The following FAM168A variants were observed in gnomAD, a reference collection of about 807,000 sequenced individuals.
FAM168A encodes the protein family with sequence similarity 168 member A.
Under a neutral mutation model 28.5 loss-of-function variants are expected in FAM168A, and 3 were observed. That is an observed-to-expected ratio of 0.11 (90% CI 0.05 to 0.27). The LOEUF is 0.27. Ranked by LOEUF, FAM168A falls within the 10% of genes least tolerant of loss-of-function variation. The pLI is 1.00. For missense variants in FAM168A, 222 were observed against 311.5 expected, an observed-to-expected ratio of 0.71 and a Z score of 2.16; for synonymous variants, 122 against 124.2, an observed-to-expected ratio of 0.98 and a Z score of 0.12.
intron 1 of FAM168A, among the ~76,000 whole-genome samples, chr11:73,533,431 G>C (rs1028605313): frequency 6.6e-6 from 1 of 152,024 alleles, no homozygotes; most frequent in Non-Finnish European, 1.5e-5. Context: ...GAGTCCCTAG[G>C]GCCTTACTCT....
chr11:73,406,228 A>G lies in FAM168A; in HGVS notation c.*535T>C, dbSNP rs752270926. 4.0e-5 allele frequency: 6 copies of G among 151,692 alleles called. No individual in the cohort carries two copies. The highest frequency in any genetic ancestry group is 5.9e-5 in the Non-Finnish European group (4 of 67,988). The allele number at this position is 151,692 out of a possible 1,614,324, so 9.4% of individuals were successfully genotyped here. A position where few individuals can be genotyped will look rare whatever the true frequency, so the allele number is the denominator to read the frequency against. On this transcript the variant is annotated 3_prime_UTR_variant, in exon 8 of 8. Coordinates refer to ENST00000356467, the MANE Select transcript of FAM168A (RefSeq NM_015159.3). ...GTGGTTTTGTTCTTGGTCTGTTGCAATGGTTCTCAGGAGACATTTCATTTG... is the reference window on the plus strand; with the variant it reads ...GTGGTTTTGTTCTTGGTCTGTTGCAGTGGTTCTCAGGAGACATTTCATTTG...
At chr11:73,501,354 T>C (rs1855007496) in intron 1 of FAM168A, among the ~76,000 whole-genome samples, 1 of 152,190 alleles carries the variant, frequency 6.6e-6, no homozygotes, top group African/African-American at 2.4e-5. Context: ...CTGGTAGACG[T>C]CTACAGAACT....
At chr11:73,545,008 C>CATTATATATATAATATAT (rs1943723367) in intron 1 of FAM168A, among the ~76,000 whole-genome samples, 1 of 58,748 alleles carries the variant, frequency 1.7e-5, no homozygotes, top group African/African-American at 1.5e-4. Flanking sequence ...ATATAATATA[C>CATTATATATATAATATAT]TATATATATA....
intron 1 of FAM168A, among the ~76,000 whole-genome samples, chr11:73,506,266 T>C (rs1855113253): frequency 6.6e-6 from 1 of 151,980 alleles, no homozygotes; most frequent in African/African-American, 2.4e-5. Context: ...GAAACTTGGA[T>C]CAAAAGTGAG....
chr11:73,588,526 A>G (rs1353785748), intron 1 of FAM168A, among the ~76,000 whole-genome samples: 2 of 152,104 alleles, frequency 1.3e-5, no homozygotes, highest in Non-Finnish European at 1.5e-5. Context: ...TCCCGTCTCT[A>G]TGAAAAACTA....
At chr11:73,563,998 T>C (rs1943989067) in intron 1 of FAM168A, among the ~76,000 whole-genome samples, 2 of 152,214 alleles carry the variant, frequency 1.3e-5, no homozygotes, top group South Asian at 2.1e-4. Flanking sequence ...ACTTCCTCAA[T>C]GTTGGTTCTA....
intron 1 of FAM168A, among the ~76,000 whole-genome samples, chr11:73,490,376 C>T (rs777928440): frequency 6.6e-6 from 1 of 152,190 alleles, no homozygotes; most frequent in Non-Finnish European, 1.5e-5. Context: ...TAAGTTAAAT[C>T]AGGTCACTCA....
At chr11:73,576,050 T>C (rs1241879790) in intron 1 of FAM168A, among the ~76,000 whole-genome samples, 1 of 152,216 alleles carries the variant, frequency 6.6e-6, no homozygotes, top group Non-Finnish European at 1.5e-5. Flanking sequence ...AAAACAAATA[T>C]TCAGATGAAT....
intron 3 of FAM168A, among the ~76,000 whole-genome samples, chr11:73,427,618 T>G (rs1866912754): frequency 6.6e-6 from 1 of 152,166 alleles, no homozygotes; most frequent in African/African-American, 2.4e-5. Flanking sequence ...ATTTCGGAAA[T>G]GGGGATAATA....
intron 1 of FAM168A, among the ~76,000 whole-genome samples, chr11:73,538,175 A>G (rs774920446): frequency 1.3e-5 from 2 of 152,164 alleles, no homozygotes; most frequent in Admixed American, 6.6e-5. Flanking sequence ...TAGGTTCCCC[A>G]TATCTTATTT....
chr11:73,595,529 A>T (rs1944432654), intron 1 of FAM168A, among the ~76,000 whole-genome samples: 1 of 152,150 alleles, frequency 6.6e-6, no homozygotes, highest in Admixed American at 6.5e-5. Context: ...TCTGAGCTCT[A>T]ATCAACAGCC....
intron 1 of FAM168A, among the ~76,000 whole-genome samples, chr11:73,518,854 G>A (rs537483424): frequency 4.6e-5 from 7 of 152,142 alleles, no homozygotes; most frequent in South Asian, 4.2e-4. Flanking sequence ...CCAAGATTGC[G>A]CCACTGCACT....
chr11:73,492,250 G>C (rs1227781566), intron 1 of FAM168A, among the ~76,000 whole-genome samples: 1 of 152,158 alleles, frequency 6.6e-6, no homozygotes, highest in Non-Finnish European at 1.5e-5. Context: ...AGACAAAAAA[G>C]AATGCCACAC....
Position 73,575,000 on chromosome 11 carries a change from C to T in FAM168A, c.-19+22923G>A, listed in dbSNP as rs578009846. 2.2e-5 allele frequency among the ~76,000 whole-genome samples: 3 copies of T among 138,812 alleles called. No individual in the cohort carries two copies. The South Asian group carries it at 6.4e-4, about 30-fold the overall frequency. 91.1% of individuals were successfully genotyped at this position (138,812 alleles called of 152,430 possible). ...GTCATATACTAGACCCCACCACATA[C>T]ATTAACCCTAACATCCCTGTAAAGT... On this transcript the variant is annotated intron_variant, in intron 1 of 7. Coordinates refer to ENST00000356467, the MANE Select transcript of FAM168A (RefSeq NM_015159.3).
chr11:73,544,615 C>T (rs1943700749), intron 1 of FAM168A, among the ~76,000 whole-genome samples: 2 of 144,344 alleles, frequency 1.4e-5, no homozygotes, highest in African/African-American at 2.6e-5. Context: ...AGTACTGATA[C>T]ATGTAACAAC....
chr11:73,491,893 G>A (rs1447899419), intron 1 of FAM168A, among the ~76,000 whole-genome samples: 1 of 152,176 alleles, frequency 6.6e-6, no homozygotes, highest in Non-Finnish European at 1.5e-5. Flanking sequence ...AATAAGGTGT[G>A]TAAAGTCCTT....
At chr11:73,501,898 A>G (rs894746560) in intron 1 of FAM168A, among the ~76,000 whole-genome samples, 5 of 152,084 alleles carry the variant, frequency 3.3e-5, no homozygotes, top group African/African-American at 7.2e-5. Context: ...TCAGGAGATC[A>G]AGACCATCCT....
chr11:73,442,224 C>T (rs568745314), intron 2 of FAM168A, among the ~76,000 whole-genome samples: 29 of 151,074 alleles, frequency 1.9e-4, no homozygotes, highest in South Asian at 1.7e-3. Context: ...CTCCCGGATT[C>T]ACGCCATTCT....
chr11:73,460,420 G>A (rs1298163231), intron 2 of FAM168A, among the ~76,000 whole-genome samples: 2 of 150,774 alleles, frequency 1.3e-5, no homozygotes, highest in Non-Finnish European at 2.9e-5. Context: ...AAAATTTACT[G>A]AGAGCCAACT....
Sources: gnomAD v4.1 joint callset for allele counts (sites outside exome capture counted in the v4.1 genomes callset) on GRCh38, gnomAD v4.1.1 for gene constraint, MANE v1.5 for transcripts, NCBI Gene and HGNC (gene_info 2026-07-23, HGNC 2026-07-21) for gene names.